DTNB: variants seen among roughly 807,000 people sequenced by gnomAD.
DTNB encodes dystrobrevin beta.
DTNB carries 63 observed loss-of-function variants against 90.7 expected under a neutral mutation model. The observed-to-expected ratio is 0.69, with a 90% CI of 0.57 to 0.86. DTNB has a LOEUF of 0.86. DTNB is among the 40% of genes least tolerant of loss of function. The pLI is 0.00. For missense variants in DTNB, 744 were observed against 807.1 expected, an observed-to-expected ratio of 0.92 and a Z score of 0.95; for synonymous variants, 277 against 286.7, an observed-to-expected ratio of 0.97 and a Z score of 0.34.
intron 1 of DTNB, among the ~76,000 whole-genome samples, chr2:25,659,957 A>G (rs2082825268): frequency 6.6e-6 from 1 of 152,202 alleles, no homozygotes; most frequent in African/African-American, 2.4e-5. Context: ...AAAAGTCTTC[A>G]ACGAAATATT....
chr2:25,556,626 T>C (rs61712781), intron 8 of DTNB, among the ~76,000 whole-genome samples: 50,018 of 151,944 alleles, frequency 0.33, 10,045 homozygotes, highest in African/African-American at 0.56. Context: ...AAGCAGATTC[T>C]ATGAAGATGA....
chr2:25,668,438 G>A (rs1261101811), intron 1 of DTNB, among the ~76,000 whole-genome samples: 2 of 152,124 alleles, frequency 1.3e-5, no homozygotes, highest in Non-Finnish European at 2.9e-5. Flanking sequence ...GTACTGTTGA[G>A]TATTTTACAA....
At chr2:25,496,114 G>A (rs781372186) in intron 9 of DTNB, among the ~76,000 whole-genome samples, 1 of 152,168 alleles carries the variant, frequency 6.6e-6, no homozygotes, top group Non-Finnish European at 1.5e-5. Context: ...GGACAGAATT[G>A]TAAAATGAGA....
At chr2:25,405,075 C>T (rs1179433915) in intron 16 of DTNB, among the ~76,000 whole-genome samples, 1 of 152,088 alleles carries the variant, frequency 6.6e-6, no homozygotes, top group Non-Finnish European at 1.5e-5. Flanking sequence ...TCCTGGGTAG[C>T]TGACACCATG....
intron 10 of DTNB, among the ~76,000 whole-genome samples, chr2:25,470,325 T>A (rs2062556876): frequency 6.6e-6 from 1 of 151,828 alleles, no homozygotes; most frequent in African/African-American, 2.4e-5. Context: ...GGCTAGGGAT[T>A]AGCACTGAAA....
chr2:25,628,215 T>C lies in DTNB; in HGVS notation c.318A>G (p.Gln106=). Residue 106 remains glutamine (Q), a synonymous_variant, in exon 4 of 21, where the codon CAA becomes CAG. Transcript: ENST00000406818. ...LPSTHQISVE[Q]SISLLLNFMI... is the part of the protein sequence containing the mutation. ...TAAAGTTGAGGAGGAGGCTGATAGATTGTTCCACACTAATTTGGTGAGTAG... is the reference window on the plus strand; with the variant it reads ...TAAAGTTGAGGAGGAGGCTGATAGACTGTTCCACACTAATTTGGTGAGTAG... 1.9e-6 allele frequency: 3 copies of C among 1,613,678 alleles called. No homozygotes were observed. The highest frequency in any genetic ancestry group is 2.2e-5 in the East Asian group (1 of 44,854).
chr2:25,481,086 C>CT (rs1294015565), intron 10 of DTNB, among the ~76,000 whole-genome samples: 39 of 152,030 alleles, frequency 2.6e-4, no homozygotes, highest in African/African-American at 9.4e-4. Flanking sequence ...TTATTTTTGT[C>CT]CCCATTTTAG....
intron 10 of DTNB, among the ~76,000 whole-genome samples, chr2:25,466,762 G>A (rs550397471): frequency 6.6e-5 from 10 of 152,324 alleles, no homozygotes; most frequent in African/African-American, 2.2e-4. Flanking sequence ...TATATGTAAC[G>A]TAGGTGAAAA....
intron 9 of DTNB, among the ~76,000 whole-genome samples, chr2:25,524,934 G>A (rs1201220634): frequency 6.6e-6 from 1 of 152,018 alleles, no homozygotes; most frequent in Non-Finnish European, 1.5e-5. Flanking sequence ...CATATCCCAG[G>A]ACCCAGTAGT....
At chr2:25,428,004 C>T (rs34736805) in intron 14 of DTNB, 34,413 of 164,258 alleles carry the variant, frequency 0.21, 4,221 homozygotes, top group Non-Finnish European at 0.27. Context: ...AAAACAGGGT[C>T]CAGTAGTAAG....
At chr2:25,427,369 A>AT in intron 15 of DTNB, 166 bp downstream of exon 15, 1 of 543,062 alleles carries the variant, frequency 1.8e-6, no homozygotes, top group South Asian at 3.0e-5. Flanking sequence ...CTTTGCACTA[A>AT]TTTAGATGAC....
intron 14 of DTNB, among the ~76,000 whole-genome samples, chr2:25,428,908 T>C (rs2052860110): frequency 6.6e-6 from 1 of 152,154 alleles, no homozygotes; most frequent in Admixed American, 6.6e-5. Context: ...TCATATAAGG[T>C]AATAAATATG....
intron 10 of DTNB, among the ~76,000 whole-genome samples, chr2:25,469,974 T>G (rs1403030557): frequency 1.3e-5 from 2 of 152,168 alleles, no homozygotes; most frequent in East Asian, 3.8e-4. Context: ...ACCTTTCACA[T>G]AGCCTGGCCT....
chr2:25,511,928 G>A (rs2074036013), intron 9 of DTNB, among the ~76,000 whole-genome samples: 1 of 152,088 alleles, frequency 6.6e-6, no homozygotes, highest in South Asian at 2.1e-4. Context: ...AGGGAAAAAA[G>A]AAGTCCCTTA....
intron 16 of DTNB, among the ~76,000 whole-genome samples, chr2:25,395,025 T>C (rs754683411): frequency 2.0e-5 from 3 of 152,190 alleles, no homozygotes; most frequent in Non-Finnish European, 4.4e-5. Context: ...ATGGGATAGA[T>C]ACACCATGGA....
intron 10 of DTNB, among the ~76,000 whole-genome samples, chr2:25,466,281 G>A (rs2061764062): frequency 6.6e-6 from 1 of 152,214 alleles, no homozygotes; most frequent in Non-Finnish European, 1.5e-5. Context: ...TTTGCAGTGA[G>A]GCGAGATTGT....
At chr2:25,536,896 C>G (rs2079947422) in intron 8 of DTNB, among the ~76,000 whole-genome samples, 1 of 152,160 alleles carries the variant, frequency 6.6e-6, no homozygotes, top group South Asian at 2.1e-4. Context: ...GCGCGTGCCA[C>G]CATGCCTGGC....
chr2:25,472,632 C>T (rs2063014484), intron 10 of DTNB, among the ~76,000 whole-genome samples: 1 of 152,108 alleles, frequency 6.6e-6, no homozygotes, highest in African/African-American at 2.4e-5. Context: ...GCCTGTAATC[C>T]CAGCACTTTT....
intron 8 of DTNB, among the ~76,000 whole-genome samples, chr2:25,567,024 C>G (rs1173797918): frequency 1.3e-5 from 2 of 152,120 alleles, no homozygotes; most frequent in Admixed American, 1.3e-4. Flanking sequence ...CATGGCAGAC[C>G]CAGCCTCAGC....
Sources: gnomAD v4.1 joint callset for allele counts (sites outside exome capture counted in the v4.1 genomes callset) on GRCh38, gnomAD v4.1.1 for gene constraint, MANE v1.5 for transcripts, NCBI Gene and HGNC (gene_info 2026-07-23, HGNC 2026-07-21) for gene names.